The following ZNF790 variants were observed in gnomAD, a reference collection of about 807,000 sequenced individuals.
ZNF790 encodes zinc finger protein 790.
In ZNF790, 8 loss-of-function variants were observed where a neutral mutation model predicts 12.1. That is an observed-to-expected ratio of 0.66 (90% CI 0.39 to 1.19). The LOEUF is 1.19. Among genes scored for constraint, ZNF790 ranks in the 50% most tolerant of loss-of-function variants. The probability of loss-of-function intolerance (pLI) is 0.01; values close to 1 mark genes in which losing one functional copy is unlikely to be tolerated. For synonymous variants in ZNF790, 252 were observed against 244.3 expected (o/e 1.03, Z -0.29); for missense variants, 707 against 752.2 (o/e 0.94, Z 0.70).
chr19:36,848,002 C>T (rs2072195894), intron 1 of ZNF790, among the ~76,000 whole-genome samples: 1 of 152,138 alleles, frequency 6.6e-6, no homozygotes, highest in Non-Finnish European at 1.5e-5. Flanking sequence ...TCCCAGCCTC[C>T]AGAACTGTGG....
At chr19:36,832,991 A>AG (rs34759083) in intron 1 of ZNF790, among the ~76,000 whole-genome samples, 6 of 151,626 alleles carry the variant, frequency 4.0e-5, no homozygotes, top group African/African-American at 1.5e-4. Context: ...AAAAAAAAAA[A>AG]TGAATACAAA....
chr19:36,840,480 C>A (rs1704631175), upstream of ZNF790, among the ~76,000 whole-genome samples: 1 of 152,194 alleles, frequency 6.6e-6, no homozygotes. Flanking sequence ...CCAATCAGGG[C>A]AGTTTATTAT....
In ZNF790 at chr19:36,818,284, TGC is replaced by T. The variant is rs1237445749; in HGVS notation, c.*147_*148del. On this transcript the variant is annotated 3_prime_UTR_variant, in exon 5 of 5. Transcript: ENST00000356725. ...ATTGATTGCATGATGAATTCTCTGC[TGC>T]TGCTGCTGCTGCTGCTGCTGGATGT... 5.6e-5 allele frequency: 26 copies of T among 462,028 alleles called. No homozygotes were observed. The highest frequency in any genetic ancestry group is 4.1e-4 in the Middle Eastern group (1 of 2,454). The allele number at this position is 462,028 out of a possible 1,614,324, so 28.6% of individuals were successfully genotyped here. A position where few individuals can be genotyped will look rare whatever the true frequency, so the allele number is the denominator to read the frequency against.
intron 1 of ZNF790, among the ~76,000 whole-genome samples, chr19:36,846,621 G>A (rs1270175858): frequency 2.0e-5 from 3 of 152,142 alleles, no homozygotes; most frequent in Non-Finnish European, 4.4e-5. Flanking sequence ...TGGTTGACAG[G>A]AACAGGAAAT....
At chr19:36,820,162 G>T in intron 4 of ZNF790, 48 bp from the exon 5 acceptor site, 1 of 1,529,736 alleles carries the variant, frequency 6.5e-7, no homozygotes, top group Non-Finnish European at 8.7e-7. Flanking sequence ...TGTACAAAAA[G>T]CAATACAACT....
intron 4 of ZNF790, among the ~76,000 whole-genome samples, chr19:36,821,183 G>T (rs1227795): frequency 0.037 from 5,580 of 151,732 alleles, 334 homozygotes; most frequent in African/African-American, 0.13. Context: ...ATTTAGGATC[G>T]AGTACAATTG....
chr19:36,829,299 C>T (rs2071897542), intron 1 of ZNF790, among the ~76,000 whole-genome samples: 1 of 152,150 alleles, frequency 6.6e-6, no homozygotes, highest in Non-Finnish European at 1.5e-5. Flanking sequence ...GCCACATGTG[C>T]CCCATACTTA....
chr19:36,847,707 G>A (rs1049750500), intron 1 of ZNF790, among the ~76,000 whole-genome samples: 6 of 147,536 alleles, frequency 4.1e-5, no homozygotes, highest in African/African-American at 1.0e-4. Flanking sequence ...CCAAGATCAC[G>A]TCATTACACT....
At chr19:36,827,141 C>CATATATAT (rs369671729) in intron 1 of ZNF790, among the ~76,000 whole-genome samples, 856 of 84,342 alleles carry the variant, frequency 0.01, 7 homozygotes, top group East Asian at 0.013. Flanking sequence ...CACACACACA[C>CATATATAT]ATATATATAT....
At chr19:36,845,725 T>C (rs980696230) in intron 1 of ZNF790, among the ~76,000 whole-genome samples, 1 of 151,600 alleles carries the variant, frequency 6.6e-6, no homozygotes, top group Non-Finnish European at 1.5e-5. Flanking sequence ...ACAGAAAAAA[T>C]GGATCCACCT....
intron 1 of ZNF790, among the ~76,000 whole-genome samples, chr19:36,827,175 T>TATATATATATAC: frequency 8.0e-6 from 1 of 124,948 alleles, no homozygotes; most frequent in African/African-American, 3.2e-5. Flanking sequence ...TATATATATA[T>TATATATATATAC]ATACACTTAC....
At chr19:36,827,210 A>G (rs150090640) in intron 1 of ZNF790, among the ~76,000 whole-genome samples, 1,990 of 146,320 alleles carry the variant, frequency 0.014, 45 homozygotes, top group African/African-American at 0.047. Flanking sequence ...TCACCACCAG[A>G]CTGGGAAGCA....
chr19:36,838,175 T>A lies in ZNF790; in HGVS notation c.-74+162A>T, dbSNP rs1483454521. On this transcript the variant is annotated intron_variant, in intron 1 of 4. Transcript: ENST00000356725. The surrounding 1 kb of genome is among the most constrained non-coding windows in gnomAD (Gnocchi z 4.4). ...TCCCGTCGCGGCCCCAGCTCCTGCA[T>A]CAATTTCACTCTCGCATCCACTGCT... The A allele has an allele frequency of 6.6e-6, 1 of 151,844 alleles. No homozygotes were observed. The highest frequency in any genetic ancestry group is 1.5e-5 in the Non-Finnish European group (1 of 68,718). The allele number at this position is 151,844 out of a possible 1,614,324, so 9.4% of individuals were successfully genotyped here.
chr19:36,834,652 G>T (rs1194673127), intron 1 of ZNF790, among the ~76,000 whole-genome samples: 1 of 152,164 alleles, frequency 6.6e-6, no homozygotes, highest in Non-Finnish European at 1.5e-5. Flanking sequence ...AAAACTGACA[G>T]TATCTGCTTG....
At chr19:36,829,242 G>A (rs1318998534) in intron 1 of ZNF790, among the ~76,000 whole-genome samples, 1 of 152,110 alleles carries the variant, frequency 6.6e-6, no homozygotes, top group East Asian at 1.9e-4. Flanking sequence ...TCATCATTTC[G>A]AAAAGAAACT....
At position 36,818,741 on chromosome 19, in the gene ZNF790, C is replaced by A. The variant is rs199662090; in HGVS notation, c.1603G>T (p.Val535Leu). ...QRMHTGEEPY[V>L]CKECGKSFIW... Reference sequence around the variant, plus strand: ...AAAGATTTCCCACATTCTTTACATACGTAAGGTTCCTCACCAGTATGCATT... The same window carrying A: ...AAAGATTTCCCACATTCTTTACATAAGTAAGGTTCCTCACCAGTATGCATT... The change falls in exon 5 of 5, where the codon GTA becomes TTA. Residue 535 changes from valine (V) to leucine (L), a missense_variant. By Grantham distance (32) the Val-to-Leu change is conservative. Coordinates refer to ENST00000356725, the MANE Select transcript of ZNF790 (RefSeq NM_206894.4). 2.5e-6 allele frequency: 4 copies of A among 1,612,202 alleles called. No homozygotes were observed. Among genetic ancestry groups the A allele is most frequent in the Non-Finnish European group, 3.4e-6 (4 of 1,179,442 alleles).
upstream of ZNF790, among the ~76,000 whole-genome samples, chr19:36,840,472 A>T (rs1441076153): frequency 6.6e-6 from 1 of 152,210 alleles, no homozygotes; most frequent in Non-Finnish European, 1.5e-5. Flanking sequence ...AGATGTTACC[A>T]ATCAGGGCAG....
rs2071576492 is a variant in ZNF790 at position 36,817,525 on chromosome 19, G to T, written c.*908C>A. ...GACATATTTGTCTATAATCATTATA[G>T]TCTTAAAAGTCCTCCTCTCATAAAA... On this transcript the variant is annotated 3_prime_UTR_variant, in exon 5 of 5. Transcript: ENST00000356725. The T allele has an allele frequency of 6.6e-6, 1 of 151,658 alleles. No individual in the cohort carries two copies. The highest frequency in any genetic ancestry group is 1.5e-5 in the Non-Finnish European group (1 of 67,948). 9.4% of individuals were successfully genotyped at this position (151,658 alleles called of 1,614,324 possible). A position where few individuals can be genotyped will look rare whatever the true frequency, so the allele number is the denominator to read the frequency against.
rs1476879756 is a variant in ZNF790, at chr19:36,818,689, T to A, written c.1655A>T (p.His552Leu). The change falls in exon 5 of 5, where the codon CAT (histidine) becomes CTT (leucine). Residue 552 changes from histidine (H) to leucine (L), a missense_variant. Coordinates refer to ENST00000356725, the MANE Select transcript of ZNF790 (RefSeq NM_206894.4). ...TTCTGCATCAGTATGAATTTTCTTATGTCGTGTAAGCTGTGAACCCCAGAT... is the reference window on the plus strand; with the variant it reads ...TTCTGCATCAGTATGAATTTTCTTAAGTCGTGTAAGCTGTGAACCCCAGAT... ...SFIWGSQLTR[H>L]KKIHTDAEPY... 7 of 1,613,640 alleles carry A rather than the reference T, an allele frequency of 4.3e-6. No individual in the cohort carries two copies. Among genetic ancestry groups the A allele is most frequent in the Non-Finnish European group, 5.9e-6 (7 of 1,179,908 alleles).
Sources: gnomAD v4.1 joint callset for allele counts (sites outside exome capture counted in the v4.1 genomes callset) on GRCh38, gnomAD v4.1.1 for gene constraint, Gnocchi (gnomAD v3.1) non-coding constraint, MANE v1.5 for transcripts, NCBI Gene and HGNC (gene_info 2026-07-23, HGNC 2026-07-21) for gene names.